ANXA6: variants seen among roughly 807,000 people sequenced by gnomAD.
The protein encoded by ANXA6 is annexin A6.
Under a neutral mutation model 95.4 loss-of-function variants are expected in ANXA6, and 71 were observed. The observed-to-expected ratio is 0.74, with a 90% CI of 0.61 to 0.91. The LOEUF (loss-of-function observed/expected upper bound fraction) is 0.91, where lower values mean the gene tolerates loss of function less well. ANXA6 is among the 40% of genes least tolerant of loss of function. ANXA6 has a pLI of 0.00. For missense variants in ANXA6, 830 were observed against 876.4 expected (o/e 0.95, Z 0.67); for synonymous variants, 289 against 315.9 (o/e 0.91, Z 0.90).
Position 151,107,093 on chromosome 5 carries a change from C to T in ANXA6, c.1780+1362G>A, listed in dbSNP as rs544311704. Among the ~76,000 whole-genome samples the T allele has an allele frequency of 5.9e-5, 9 of 152,292 alleles. No individual in the cohort carries two copies. The South Asian group carries it at 1.7e-3, about 28-fold the overall frequency. ...TATAAGCCTCTCTGAACTCAGTGTCCTCTTTTGTAAAATAAGCTGGTTAAG... is the reference window on the plus strand; with the variant it reads ...TATAAGCCTCTCTGAACTCAGTGTCTTCTTTTGTAAAATAAGCTGGTTAAG... On this transcript the variant is annotated intron_variant, in intron 23 of 25. Transcript: ENST00000354546.
At chr5:151,143,838 T>TGAC (rs1765900872) in intron 2 of ANXA6, among the ~76,000 whole-genome samples, 1 of 151,838 alleles carries the variant, frequency 6.6e-6, no homozygotes, top group Non-Finnish European at 1.5e-5. Flanking sequence ...TTTCTGGAGG[T>TGAC]GACGTCTAAG....
chr5:151,107,634 A>T (rs4958895), intron 23 of ANXA6, among the ~76,000 whole-genome samples: 102,036 of 151,676 alleles, frequency 0.67, 34,445 homozygotes, highest in Admixed American at 0.71. Context: ...AAGATTTTTT[A>T]AAAGTGCATT....
At chr5:151,120,863 G>A (rs1437782008) in intron 17 of ANXA6, among the ~76,000 whole-genome samples, 1 of 152,216 alleles carries the variant, frequency 6.6e-6, no homozygotes, top group East Asian at 1.9e-4. Flanking sequence ...GTTAGAAGCA[G>A]GTGTGTGGTG....
In ANXA6 at chr5:151,129,466, G is replaced by A. The variant is rs769410512; in HGVS notation, c.859C>T (p.Leu287Phe). The change falls in exon 12 of 26, where the codon CTC becomes TTC. Residue 287 changes from leucine to phenylalanine, a missense_variant. Physicochemically the swap from Leu to Phe is conservative, Grantham distance 22. Coordinates refer to ENST00000354546, the MANE Select transcript of ANXA6 (RefSeq NM_001155.5). ...IMVSRSELDM[L>F]DIREIFRTKY... ...GTCCGGAAGATCTCCCGAATGTCGA[G>A]CATGTCCAACTCACTACGGGAGACC... 3.7e-6 allele frequency: 6 copies of A among 1,613,172 alleles called. No individual in the cohort carries two copies. Among genetic ancestry groups the A allele is most frequent in the Non-Finnish European group, 5.1e-6 (6 of 1,179,746 alleles).
chr5:151,125,148 T>C (rs993098649), intron 14 of ANXA6, among the ~76,000 whole-genome samples: 2 of 152,004 alleles, frequency 1.3e-5, no homozygotes, highest in South Asian at 2.1e-4. Context: ...CTTGAGCCCA[T>C]TGGTTCAAGA....
intron 1 of ANXA6, among the ~76,000 whole-genome samples, chr5:151,149,179 C>CAA (rs36120948): frequency 0.18 from 8,162 of 45,810 alleles, 1,204 homozygotes; most frequent in East Asian, 0.21. Context: ...AGCCCTGTCT[C>CAA]AAAAAAAAAA....
intron 16 of ANXA6, among the ~76,000 whole-genome samples, chr5:151,122,659 T>C (rs577997585): frequency 2.0e-5 from 3 of 152,334 alleles, no homozygotes; most frequent in Admixed American, 6.5e-5. Flanking sequence ...CTCATAGCCC[T>C]GATCTTGGCC....
chr5:151,122,412 T>A (rs1765193542), intron 16 of ANXA6, among the ~76,000 whole-genome samples, 152 bp from the exon 17 acceptor site: 1 of 152,052 alleles, frequency 6.6e-6, no homozygotes, highest in South Asian at 2.1e-4. Context: ...ATTATTTAGA[T>A]GAAGCCAAAG....
chr5:151,118,847 T>C (rs1765082058), intron 18 of ANXA6, among the ~76,000 whole-genome samples: 1 of 152,090 alleles, frequency 6.6e-6, no homozygotes, highest in Admixed American at 6.5e-5. Context: ...GGATTACAGG[T>C]GTGAGCCACT....
At chr5:151,131,429 G>T in intron 10 of ANXA6, 140 bp from the exon 11 acceptor site, 1 of 832,490 alleles carries the variant, frequency 1.2e-6, no homozygotes. Flanking sequence ...ATAGCTCACA[G>T]CCCCAGATCA....
chr5:151,107,807 TA>T (rs1005428977), intron 23 of ANXA6, among the ~76,000 whole-genome samples: 1 of 152,202 alleles, frequency 6.6e-6, no homozygotes, highest in African/African-American at 2.4e-5. Context: ...TCAAATTATA[TA>T]AGCGTAACCA....
At chr5:151,132,122 T>C (rs1214681442) in intron 10 of ANXA6, among the ~76,000 whole-genome samples, 2 of 152,158 alleles carry the variant, frequency 1.3e-5, no homozygotes, top group Non-Finnish European at 2.9e-5. Context: ...TGGCCACTGC[T>C]GGGTCTTTTT....
rs1409848110 is a variant in ANXA6, at chr5:151,132,465, T to G, written c.736+11A>C. Reference sequence around the variant, plus strand: ...CCCTAAAGCCCCCAGGAATGCAACGTCAGGACATACCTACGGCCAGCATTA... The same window carrying G: ...CCCTAAAGCCCCCAGGAATGCAACGGCAGGACATACCTACGGCCAGCATTA... On this transcript the variant is annotated intron_variant, in intron 10 of 25. Coordinates refer to ENST00000354546, the MANE Select transcript of ANXA6 (RefSeq NM_001155.5). 6.2e-7 allele frequency: 1 copy of G among 1,606,822 alleles called. No homozygotes were observed. Among genetic ancestry groups the G allele is most frequent in the Non-Finnish European group, 8.5e-7 (1 of 1,176,520 alleles).
In ANXA6 at chr5:151,134,486, G is replaced by A. The variant is rs1765603076; in HGVS notation, c.490-3C>T. The A allele has an allele frequency of 6.2e-7, 1 of 1,613,952 alleles. No individual in the cohort carries two copies. Among genetic ancestry groups the A allele is most frequent in the East Asian group, 2.2e-5 (1 of 44,886 alleles). On this transcript the variant is annotated splice_region_variant and splice_polypyrimidine_tract_variant and intron_variant, in intron 7 of 25. Transcript: ENST00000354546. ...ACGTCATCCTCCTCCCTGGTTCCCT[G>A]GGCAGAAAGACAAAGAACATGTGTT...
chr5:151,105,350 G>T, intron 23 of ANXA6, 47 bp from the exon 24 acceptor site: 1 of 1,580,410 alleles, frequency 6.3e-7, no homozygotes, highest in Non-Finnish European at 8.7e-7. Flanking sequence ...CAGAGGCTGT[G>T]AACCCAGACT....
chr5:151,119,319 G>T lies in ANXA6; in HGVS notation c.1419C>A (p.Ile473=). 1.9e-6 allele frequency: 3 copies of T among 1,613,354 alleles called. No homozygotes were observed. The highest frequency in any genetic ancestry group is 2.5e-6 in the Non-Finnish European group (3 of 1,179,850). ...ACTCACCCTCCTTATAGGCCTCATTGATGGCCCGGATTTCAGCATTGGTCC... is the reference window on the plus strand; with the variant it reads ...ACTCACCCTCCTTATAGGCCTCATTTATGGCCCGGATTTCAGCATTGGTCC... ...ATRTNAEIRA[I]NEAYKEDYHK... is the part of the protein sequence containing the mutation. The change falls in exon 18 of 26, where the codon ATC becomes ATA. Residue 473 remains isoleucine, a synonymous_variant. Coordinates refer to ENST00000354546, the MANE Select transcript of ANXA6 (RefSeq NM_001155.5).
intron 20 of ANXA6, among the ~76,000 whole-genome samples, chr5:151,116,589 A>ATATT (rs1403082837): frequency 6.6e-6 from 1 of 152,226 alleles, no homozygotes; most frequent in Non-Finnish European, 1.5e-5. Context: ...CATTCAACAA[A>ATATT]TATTTATTGA....
chr5:151,150,632 G>T (rs1323987272), intron 1 of ANXA6, among the ~76,000 whole-genome samples: 1 of 152,190 alleles, frequency 6.6e-6, no homozygotes, highest in Non-Finnish European at 1.5e-5. Context: ...CTCAGCTTCA[G>T]GAAACCTTGC....
intron 2 of ANXA6, among the ~76,000 whole-genome samples, chr5:151,143,995 C>G (rs2113951950): frequency 6.6e-6 from 1 of 152,278 alleles, no homozygotes; most frequent in Non-Finnish European, 1.5e-5. Flanking sequence ...AGCCCAGAGT[C>G]TGCAGGGCTC....
Sources: gnomAD v4.1 joint callset for allele counts (sites outside exome capture counted in the v4.1 genomes callset) on GRCh38, gnomAD v4.1.1 for gene constraint, MANE v1.5 for transcripts, NCBI Gene and HGNC (gene_info 2026-07-23, HGNC 2026-07-21) for gene names.